ARHGAP25: variants seen among roughly 807,000 people sequenced by gnomAD.
ARHGAP25 encodes the protein Rho GTPase activating protein 25.
In ARHGAP25, 34 loss-of-function variants were observed where a neutral mutation model predicts 71.0. The ratio of observed to expected loss-of-function variants is 0.48; its 90% CI spans 0.36 to 0.64. ARHGAP25 has a LOEUF of 0.64. ARHGAP25 is among the 30% of genes least tolerant of loss of function. ARHGAP25 has a pLI of 0.00. For missense variants in ARHGAP25, 706 were observed against 805.1 expected, an observed-to-expected ratio of 0.88 and a Z score of 1.49; for synonymous variants, 282 against 296.5, an observed-to-expected ratio of 0.95 and a Z score of 0.50.
intron 2 of ARHGAP25, among the ~76,000 whole-genome samples, chr2:68,711,185 T>G (rs905497371): frequency 6.6e-6 from 1 of 152,250 alleles, no homozygotes; most frequent in African/African-American, 2.4e-5. Flanking sequence ...AGCTGCTTTC[T>G]CTTCAGCCTT....
chr2:68,741,369 G>A (rs1429979896), intron 1 of ARHGAP25, among the ~76,000 whole-genome samples: 1 of 152,098 alleles, frequency 6.6e-6, no homozygotes, highest in Non-Finnish European at 1.5e-5. Flanking sequence ...CTTCTTTGAG[G>A]GACTGCAGTG....
chr2:68,731,089 T>C (rs921779563), upstream of ARHGAP25, among the ~76,000 whole-genome samples: 1 of 152,196 alleles, frequency 6.6e-6, no homozygotes, highest in Non-Finnish European at 1.5e-5. Context: ...TGTACAAATG[T>C]TTATGGAGTA....
intron 2 of ARHGAP25, among the ~76,000 whole-genome samples, chr2:68,717,245 T>C (rs933000393): frequency 6.6e-6 from 1 of 152,194 alleles, no homozygotes; most frequent in Non-Finnish European, 1.5e-5. Context: ...TATTATTATC[T>C]TATGAAACCA....
chr2:68,757,268 G>GA (rs1391547649), intron 1 of ARHGAP25, among the ~76,000 whole-genome samples: 1 of 152,054 alleles, frequency 6.6e-6, no homozygotes, highest in Non-Finnish European at 1.5e-5. Flanking sequence ...AATAATGATG[G>GA]AAAACTTCCC....
chr2:68,743,192 C>G (rs891093583), intron 1 of ARHGAP25, among the ~76,000 whole-genome samples: 3 of 152,174 alleles, frequency 2.0e-5, no homozygotes, highest in Non-Finnish European at 4.4e-5. Context: ...AGACCCTCCT[C>G]CATGACTTAG....
rs1210916559 is a variant in ARHGAP25, at chr2:68,723,991, G to A, written c.-18+13293G>A. On this transcript the variant is annotated intron_variant and NMD_transcript_variant, in intron 2 of 7. Coordinates refer to the ARHGAP25 transcript ENST00000463483. ...CGGGCTCAAGTGATTCTCCCACCTC[G>A]GCTACCTGAGTAGCTGGGACTACAG... is the stretch of plus-strand genomic sequence containing the variant. Among the ~76,000 whole-genome samples the A allele has an allele frequency of 3.3e-5, 5 of 151,996 alleles. No individual in the cohort carries two copies. The East Asian group carries it at 5.8e-4, about 18-fold the overall frequency.
intron 2 of ARHGAP25, among the ~76,000 whole-genome samples, chr2:68,776,486 G>A (rs142990692): frequency 1.3e-3 from 197 of 152,350 alleles, no homozygotes; most frequent in African/African-American, 4.4e-3. Context: ...TGGGCTGGAG[G>A]AAAATGGTCA....
In ARHGAP25 at chr2:68,816,045, A is replaced by T. The variant is rs1343310068; in HGVS notation, c.808-244A>T. On this transcript the variant is annotated intron_variant, in intron 6 of 10. Coordinates refer to ENST00000409202, the MANE Select transcript of ARHGAP25 (RefSeq NM_001007231.3). ...TAGCTCAGGGTCAAGGGTGGGGTGC[A>T]GTGGCATAATTACATATAAATAAAA... 7.6e-6 allele frequency: 4 copies of T among 523,422 alleles called. No individual in the cohort carries two copies. In the East Asian group the frequency reaches 1.5e-4, roughly 19 times the overall value. 32.4% of individuals were successfully genotyped at this position (523,422 alleles called of 1,614,324 possible).
chr2:68,719,428 CAAA>C (rs201534754), intron 2 of ARHGAP25, among the ~76,000 whole-genome samples: 2 of 74,854 alleles, frequency 2.7e-5, no homozygotes, highest in Non-Finnish European at 5.2e-5. Flanking sequence ...GTCGACATGG[CAAA>C]AAAAAAAAAA....
chr2:68,721,795 G>C (rs1573376908), intron 2 of ARHGAP25, among the ~76,000 whole-genome samples: 1 of 152,338 alleles, frequency 6.6e-6, no homozygotes, highest in South Asian at 2.1e-4. Flanking sequence ...AGAAACCTAA[G>C]GTCGACAGAG....
rs1318059753 is a variant in ARHGAP25, at chr2:68,819,411, G to T, written c.1200+92G>T. ...GCCTGCTCTCGGGTGGCAATTTGGG[G>T]AGTTTTAGGTGATGCAGTGGCAGTG... is the stretch of plus-strand genomic sequence containing the variant. On this transcript the variant is annotated intron_variant, in intron 9 of 10. Transcript: ENST00000409202. 11 of 1,367,716 alleles carry T rather than the reference G, an allele frequency of 8.0e-6. No homozygotes were observed. In the South Asian group the frequency reaches 1.2e-4, roughly 15 times the overall value. The allele number at this position is 1,367,716 out of a possible 1,614,324, so 84.7% of individuals were successfully genotyped here. A position where few individuals can be genotyped will look rare whatever the true frequency, so the allele number is the denominator to read the frequency against.
intron 4 of ARHGAP25, among the ~76,000 whole-genome samples, chr2:68,790,449 G>T (rs1262153496): frequency 6.6e-6 from 1 of 152,132 alleles, no homozygotes; most frequent in Non-Finnish European, 1.5e-5. Context: ...GACGTGTCCC[G>T]TGGGCCCAGG....
At chr2:68,786,807 G>C (rs1380381030) in intron 3 of ARHGAP25, among the ~76,000 whole-genome samples, 1 of 152,232 alleles carries the variant, frequency 6.6e-6, no homozygotes, top group Non-Finnish European at 1.5e-5. Context: ...TACTCAGCTA[G>C]AACAAGCTCT....
rs61734450 is a variant in ARHGAP25 at position 68,822,784 on chromosome 2, G to A, written c.1645G>A (p.Glu549Lys). 3.0e-4 allele frequency: 491 copies of A among 1,614,252 alleles called. 4 individuals are homozygous for A. The African/African-American group carries it at 6.3e-3, about 21-fold the overall frequency. ...TGPGKKNSGE[E>K]EIDSLQRMVQ... The stretch of plus-strand genomic sequence containing the variant: ...GCCTGGAAAAAAGAACTCTGGAGAA[G>A]AGGAAATTGATTCTTTGCAGAGGAT... The change falls in exon 10 of 11, where the codon GAG becomes AAG. Residue 549 changes from glutamate (E) to lysine (K), a missense_variant. Coordinates refer to ENST00000409202, the MANE Select transcript of ARHGAP25 (RefSeq NM_001007231.3).
At chr2:68,736,672 G>T (rs1226701730) in intron 1 of ARHGAP25, among the ~76,000 whole-genome samples, 2 of 152,124 alleles carry the variant, frequency 1.3e-5, no homozygotes, top group South Asian at 2.1e-4. Context: ...ACTCAGGTCT[G>T]GGATTTGATT....
intron 2 of ARHGAP25, among the ~76,000 whole-genome samples, chr2:68,781,272 G>GC (rs1678315064): frequency 6.6e-6 from 1 of 152,030 alleles, no homozygotes; most frequent in African/African-American, 2.4e-5. Context: ...CGCCTGTAGT[G>GC]CCAGATACTC....
rs183197381 is a variant in ARHGAP25 at position 68,766,161 on chromosome 2, T to G, written c.62-9060T>G. On this transcript the variant is annotated intron_variant, in intron 1 of 10. Transcript: ENST00000409202. ...GCTTTGGCAATGGAGGGGTCAGTACTTCGATTGCTCTTCCTAATGTAACAC... is the reference window on the plus strand; with the variant it reads ...GCTTTGGCAATGGAGGGGTCAGTACGTCGATTGCTCTTCCTAATGTAACAC... Among the ~76,000 whole-genome samples the G allele has an allele frequency of 2.2e-3, 335 of 152,352 alleles. 7 individuals are homozygous for G. Among genetic ancestry groups the G allele is most frequent in the Admixed American group, 0.02 (305 of 15,308 alleles).
intron 4 of ARHGAP25, among the ~76,000 whole-genome samples, chr2:68,794,620 A>G (rs1573555831): frequency 6.6e-6 from 1 of 152,092 alleles, no homozygotes. Context: ...TATAAAACTT[A>G]TTTGATCATG....
Position 68,826,062 on chromosome 2 carries a change from G to T in ARHGAP25, c.1809G>T (p.Lys603Asn). The change falls in exon 11 of 11, where the codon AAG becomes AAT. Residue 603 changes from lysine to asparagine, a missense_variant. By Grantham distance (94) the Lys-to-Asn change is moderately conservative (BLOSUM62 0). Transcript: ENST00000409202. Reference protein sequence around the residue: ...LNEELEKEKKKSAALEISLRN... With the variant: ...LNEELEKEKKNSAALEISLRN... ...AAGAACTGGAGAAGGAAAAGAAGAA[G>T]TCTGCAGCCCTAGAGATCAGCCTCC... is the stretch of plus-strand genomic sequence containing the variant. The T allele has an allele frequency of 1.9e-6, 3 of 1,614,122 alleles. No homozygotes were observed. The highest frequency in any genetic ancestry group is 2.5e-6 in the Non-Finnish European group (3 of 1,180,018).
Sources: gnomAD v4.1 joint callset for allele counts (sites outside exome capture counted in the v4.1 genomes callset) on GRCh38, gnomAD v4.1.1 for gene constraint, MANE v1.5 for transcripts, NCBI Gene and HGNC (gene_info 2026-07-23, HGNC 2026-07-21) for gene names.